Variants in KSR1 observed in about 807,000 individuals in gnomAD.
The protein encoded by KSR1 is kinase suppressor of ras 1.
In KSR1, 35 loss-of-function variants were observed where a neutral mutation model predicts 92.9. The ratio of observed to expected loss-of-function variants is 0.38; its 90% confidence interval spans 0.29 to 0.50. The LOEUF (loss-of-function observed/expected upper bound fraction) is 0.50, where lower values mean the gene tolerates loss of function less well. Among genes scored for constraint, KSR1 ranks in the 20% least tolerant of loss-of-function variants. The pLI, the probability that KSR1 is intolerant of heterozygous loss-of-function variation, is 0.94. For missense variants in KSR1, 972 were observed against 1,158.5 expected, an observed-to-expected ratio of 0.84 and a Z score of 2.34; for synonymous variants, 467 against 472.6, an observed-to-expected ratio of 0.99 and a Z score of 0.15.
chr17:27,560,056 C>T (rs577706236), intron 2 of KSR1, among the ~76,000 whole-genome samples: 259 of 152,318 alleles, frequency 1.7e-3, no homozygotes, highest in South Asian at 3.5e-3. Context: ...AGGAGCGCTG[C>T]CTCCCACGTG....
intron 1 of KSR1, among the ~76,000 whole-genome samples, chr17:27,491,888 A>G (rs552279788): frequency 6.6e-6 from 1 of 152,210 alleles, no homozygotes; most frequent in South Asian, 2.1e-4. Context: ...GGCTGGCTCC[A>G]GGGCTACACT....
At chr17:27,475,614 A>G (rs754462685) in intron 1 of KSR1, among the ~76,000 whole-genome samples, 1 of 152,184 alleles carries the variant, frequency 6.6e-6, no homozygotes, top group African/African-American at 2.4e-5. Flanking sequence ...TTCATCTATG[A>G]CACGGGGACA....
chr17:27,623,177 G>A (rs1262049084), intron 20 of KSR1, 137 bp from the exon 21 acceptor site: 7 of 687,608 alleles, frequency 1.0e-5, no homozygotes, highest in Non-Finnish European at 1.9e-5. Flanking sequence ...AGCTCTGCCA[G>A]GGCTGTTGGC....
At chr17:27,564,510 G>A (rs1215497316) in intron 2 of KSR1, among the ~76,000 whole-genome samples, 1 of 152,260 alleles carries the variant, frequency 6.6e-6, no homozygotes, top group East Asian at 1.9e-4. Flanking sequence ...CAGGGGCTCA[G>A]GTGATGCCAT....
chr17:27,501,225 A>G (rs1309792887), intron 1 of KSR1, among the ~76,000 whole-genome samples: 1 of 127,622 alleles, frequency 7.8e-6, no homozygotes, highest in East Asian at 2.4e-4. Context: ...GACCAAGGCT[A>G]TATATTAGGT....
intron 3 of KSR1, 143 bp from the exon 4 acceptor site, chr17:27,582,503 C>T: frequency 1.4e-6 from 1 of 712,520 alleles, no homozygotes; most frequent in Non-Finnish European, 2.3e-6. Context: ...CTTTATAAAC[C>T]AGGTAAAGGT....
intron 1 of KSR1, among the ~76,000 whole-genome samples, chr17:27,520,750 G>T (rs780217433): frequency 1.2e-4 from 19 of 152,214 alleles, no homozygotes; most frequent in Non-Finnish European, 2.4e-4. Context: ...ACTCTCACTG[G>T]CCTCCTTTTC....
chr17:27,486,120 A>C (rs889754191), intron 1 of KSR1, among the ~76,000 whole-genome samples: 2 of 152,246 alleles, frequency 1.3e-5, no homozygotes, highest in African/African-American at 4.8e-5. Flanking sequence ...CCTCCAATAC[A>C]TGAAGCAGGC....
In KSR1 at chr17:27,577,690, C is replaced by G; in HGVS notation, c.520+51C>G. 1 of 1,418,846 alleles carries G rather than the reference C, an allele frequency of 7.0e-7. No homozygotes were observed. The highest frequency in any genetic ancestry group is 9.6e-7 in the Non-Finnish European group (1 of 1,039,620). The allele number at this position is 1,418,846 out of a possible 1,614,324, so 87.9% of individuals were successfully genotyped here. On this transcript the variant is annotated intron_variant, in intron 3 of 20. Transcript: ENST00000644974. This position sits in a 1 kb window ranked among gnomAD's most constrained non-coding sequence, Gnocchi z 4.5. ...CTTGCCTGGCCTGGTGCCCTTGGGG[C>G]TGTGGCCTTCACTATGGTGGGTGAT...
chr17:27,554,245 C>T (rs2071507584), intron 2 of KSR1, among the ~76,000 whole-genome samples: 1 of 152,178 alleles, frequency 6.6e-6, no homozygotes, highest in African/African-American at 2.4e-5. Context: ...TGGCAATGAC[C>T]TTGAGCAGTA....
At chr17:27,470,895 G>C (rs1340921225) in intron 1 of KSR1, among the ~76,000 whole-genome samples, 1 of 150,548 alleles carries the variant, frequency 6.6e-6, no homozygotes, top group Admixed American at 6.6e-5. Context: ...ATTTCAGACA[G>C]AGACTCACCC....
chr17:27,608,565 C>T (rs1010933790), intron 15 of KSR1, among the ~76,000 whole-genome samples: 2 of 152,182 alleles, frequency 1.3e-5, no homozygotes, highest in African/African-American at 4.8e-5. Context: ...CCACTGCCAC[C>T]TCTTCGCTTG....
intron 11 of KSR1, chr17:27,601,782 C>T: frequency 1.3e-6 from 1 of 776,670 alleles, no homozygotes; most frequent in Non-Finnish European, 2.1e-6. Flanking sequence ...CTCCCTTGCA[C>T]AATGATGGGA....
intron 1 of KSR1, among the ~76,000 whole-genome samples, chr17:27,536,728 G>A (rs1264017550): frequency 6.6e-6 from 1 of 152,226 alleles, no homozygotes; most frequent in African/African-American, 2.4e-5. Flanking sequence ...CATTGATCTG[G>A]AGGGTCTAAG....
chr17:27,570,272 G>A, intron 2 of KSR1, among the ~76,000 whole-genome samples: 1 of 152,206 alleles, frequency 6.6e-6, no homozygotes, highest in East Asian at 1.9e-4. Context: ...GTGGACACAA[G>A]GGCTGGCTGG....
intron 2 of KSR1, among the ~76,000 whole-genome samples, chr17:27,555,923 C>T (rs1349657708): frequency 1.3e-5 from 2 of 152,204 alleles, no homozygotes; most frequent in Non-Finnish European, 2.9e-5. Context: ...TCCCATTTCC[C>T]TGAAGCCTGC....
rs550737709 is a variant in KSR1 at position 27,470,531 on chromosome 17, C to T, written c.231+13657C>T. Among the ~76,000 whole-genome samples the T allele has an allele frequency of 6.6e-5, 10 of 152,080 alleles. No homozygotes were observed. The South Asian group carries it at 8.3e-4, about 13-fold the overall frequency. On this transcript the variant is annotated intron_variant, in intron 1 of 20. Coordinates refer to ENST00000644974, the MANE Select transcript of KSR1 (RefSeq NM_001394583.1). The stretch of plus-strand genomic sequence containing the variant: ...CTGGGATTACAGGTGTGAGCCACTG[C>T]GCCAGGCCTAAGTTTTGTATTTTTA...
rs1043089362 is a variant in KSR1, at chr17:27,625,067, T to A, written c.*1675T>A. 2.6e-5 allele frequency: 4 copies of A among 152,336 alleles called. No individual in the cohort carries two copies. The highest frequency in any genetic ancestry group is 5.9e-5 in the Non-Finnish European group (4 of 68,110). 9.4% of individuals were successfully genotyped at this position (152,336 alleles called of 1,614,324 possible). On this transcript the variant is annotated 3_prime_UTR_variant, in exon 21 of 21. Transcript: ENST00000644974. ...CGTGGATTCAGCTCCGTGTGGAGTT[T>A]CTGTGCTATGGTGGGACTGCTCATT... is the stretch of plus-strand genomic sequence containing the variant.
intron 14 of KSR1, among the ~76,000 whole-genome samples, chr17:27,607,381 A>T (rs1479165321): frequency 6.6e-6 from 1 of 152,060 alleles, no homozygotes; most frequent in Non-Finnish European, 1.5e-5. Flanking sequence ...TGGCGACCCC[A>T]GAACTGAAGC....
Sources: allele counts gnomAD v4.1 joint callset (sites outside exome capture counted in the v4.1 genomes callset), GRCh38; gene constraint gnomAD v4.1.1; non-coding constraint Gnocchi (gnomAD v3.1); transcripts MANE v1.5; gene names NCBI Gene and HGNC (gene_info 2026-07-23, HGNC 2026-07-21).